CNTLN: variants seen among roughly 807,000 people sequenced by gnomAD.
CNTLN encodes the protein centlein.
CNTLN carries 212 observed loss-of-function variants against 180.0 expected under a neutral mutation model. The observed-to-expected ratio is 1.18, with a 90% CI of 1.05 to 1.32. The LOEUF is 1.32. CNTLN is among the 40% of genes most tolerant of loss of function. CNTLN has a pLI of 0.00. For missense variants in CNTLN, 2,095 were observed against 1,610.9 expected (o/e 1.30, Z -5.14); for synonymous variants, 722 against 563.1 (o/e 1.28, Z -3.99).
intron 5 of CNTLN, among the ~76,000 whole-genome samples, chr9:17,245,867 C>G (rs1437625971): frequency 6.6e-6 from 1 of 151,888 alleles, no homozygotes; most frequent in Admixed American, 6.6e-5. Context: ...TTTTTCAGTT[C>G]CAGAATTTCT....
At chr9:17,313,791 G>T (rs549766450) in intron 8 of CNTLN, among the ~76,000 whole-genome samples, 3 of 152,188 alleles carry the variant, frequency 2.0e-5, no homozygotes, top group African/African-American at 7.2e-5. Flanking sequence ...GATTAGTAAA[G>T]CTCTGTAAAT....
chr9:17,187,240 T>C (rs745845248), intron 2 of CNTLN, among the ~76,000 whole-genome samples: 2 of 152,138 alleles, frequency 1.3e-5, no homozygotes, highest in Non-Finnish European at 2.9e-5. Flanking sequence ...CTGCTTTATC[T>C]ACTTTCTGTG....
chr9:17,215,468 G>T (rs1432328131), intron 2 of CNTLN, among the ~76,000 whole-genome samples: 1 of 146,002 alleles, frequency 6.8e-6, no homozygotes, highest in Non-Finnish European at 1.5e-5. Context: ...CCCTACTAGG[G>T]GGTGCCTCCC....
the CNTLN span, among the ~76,000 whole-genome samples, chr9:17,527,394 G>T: frequency 6.6e-6 from 1 of 152,164 alleles, no homozygotes; most frequent in African/African-American, 2.4e-5. Flanking sequence ...TACTATCAGA[G>T]AATTAAATTT....
chr9:17,173,611 T>C (rs532280451), intron 2 of CNTLN, among the ~76,000 whole-genome samples: 37 of 152,266 alleles, frequency 2.4e-4, no homozygotes, highest in African/African-American at 8.9e-4. Flanking sequence ...AAATTGGAAT[T>C]GTAACGGTGA....
At chr9:17,302,862 T>C (rs1455392029) in intron 7 of CNTLN, among the ~76,000 whole-genome samples, 1 of 152,150 alleles carries the variant, frequency 6.6e-6, no homozygotes, top group African/African-American at 2.4e-5. Context: ...GAATGTAAAA[T>C]TGTACTATAA....
chr9:17,418,336 A>G (rs112075414), intron 18 of CNTLN, among the ~76,000 whole-genome samples: 1 of 152,016 alleles, frequency 6.6e-6, no homozygotes, highest in Non-Finnish European at 1.5e-5. Context: ...AACTAAACTT[A>G]GAATTCTCTA....
intron 5 of CNTLN, among the ~76,000 whole-genome samples, chr9:17,268,329 C>T (rs553882589): frequency 2.0e-5 from 3 of 152,290 alleles, no homozygotes; most frequent in East Asian, 3.9e-4. Flanking sequence ...TGGGTATCAG[C>T]AGCGGTGGCT....
chr9:17,338,998 C>A (rs1417228303), intron 10 of CNTLN, among the ~76,000 whole-genome samples: 1 of 152,132 alleles, frequency 6.6e-6, no homozygotes, highest in Non-Finnish European at 1.5e-5. Context: ...ATTAAACTAT[C>A]CTACTTTAGC....
intron 8 of CNTLN, among the ~76,000 whole-genome samples, chr9:17,322,425 C>A (rs972169044): frequency 6.6e-6 from 1 of 151,936 alleles, no homozygotes; most frequent in Non-Finnish European, 1.5e-5. Context: ...ACCATTTCTG[C>A]TATAAAAAGA....
At chr9:17,473,828 C>A (rs554376735) in intron 23 of CNTLN, among the ~76,000 whole-genome samples, 1 of 152,196 alleles carries the variant, frequency 6.6e-6, no homozygotes, top group Non-Finnish European at 1.5e-5. Flanking sequence ...ATTGCCCAAT[C>A]TGTGATCAGT....
chr9:17,463,138 C>A (rs11790475), intron 20 of CNTLN, 125 bp downstream of exon 20: 73,417 of 557,160 alleles, frequency 0.13, 7,092 homozygotes, highest in African/African-American at 0.39. Context: ...TTAAACCTAC[C>A]TAAGATGAAA....
chr9:17,219,898 C>G lies in CNTLN; in HGVS notation c.450-6305C>G, dbSNP rs1400937176. Reference sequence around the variant, plus strand: ...CATATGACACCGAGAGATCTTCTCTCTAGTGTCCCCTCTCATTAAGGTGCT... The same window carrying G: ...CATATGACACCGAGAGATCTTCTCTGTAGTGTCCCCTCTCATTAAGGTGCT... On this transcript the variant is annotated intron_variant, in intron 2 of 25. Transcript: ENST00000380647. Among the ~76,000 whole-genome samples the G allele has an allele frequency of 4.6e-5, 7 of 152,174 alleles. No individual in the cohort carries two copies. The South Asian group carries it at 1.2e-3, about 27-fold the overall frequency.
In CNTLN at chr9:17,272,972, T is replaced by A. The variant is rs544161983; in HGVS notation, c.850-761T>A. 2.0e-5 allele frequency among the ~76,000 whole-genome samples: 3 copies of A among 152,264 alleles called. No individual in the cohort carries two copies. In the South Asian group the frequency reaches 6.2e-4, roughly 32 times the overall value. ...GTTGTTTATAAACCTTTGTTATTTA[T>A]CTATCATTGTCTTTTCTTTTTTTAC... On this transcript the variant is annotated intron_variant, in intron 5 of 25. Coordinates refer to ENST00000380647, the MANE Select transcript of CNTLN (RefSeq NM_017738.4).
At chr9:17,207,590 AG>A (rs1823016030) in intron 2 of CNTLN, among the ~76,000 whole-genome samples, 1 of 151,892 alleles carries the variant, frequency 6.6e-6, no homozygotes. Flanking sequence ...TGGCTGGGGG[AG>A]GGAGGTCCCC....
chr9:17,301,441 C>T, intron 7 of CNTLN: 1 of 985,340 alleles, frequency 1.0e-6, no homozygotes, highest in Non-Finnish European at 1.2e-6. Context: ...GATGTGCTAA[C>T]CTAATAATTG....
At chr9:17,207,357 G>T (rs536040554) in intron 2 of CNTLN, among the ~76,000 whole-genome samples, 2 of 152,218 alleles carry the variant, frequency 1.3e-5, no homozygotes, top group African/African-American at 4.8e-5. Flanking sequence ...CTTGCCAGGG[G>T]AGTGAACCGT....
chr9:17,223,902 G>A lies in CNTLN; in HGVS notation c.450-2301G>A, dbSNP rs80236248. Among the ~76,000 whole-genome samples the A allele has an allele frequency of 3.9e-3, 592 of 151,896 alleles. 27 individuals are homozygous for A. In the East Asian group the frequency reaches 0.097, roughly 25 times the overall value. ...CTTTACTATAAATGTGTGTACTTCC[G>A]TGCTGTTCTTTGAATATACCAATTG... is the stretch of plus-strand genomic sequence containing the variant. On this transcript the variant is annotated intron_variant, in intron 2 of 25. Coordinates refer to ENST00000380647, the MANE Select transcript of CNTLN (RefSeq NM_017738.4).
intron 18 of CNTLN, among the ~76,000 whole-genome samples, chr9:17,417,169 C>T (rs559291978): frequency 6.6e-6 from 1 of 152,236 alleles, no homozygotes; most frequent in South Asian, 2.1e-4. Flanking sequence ...TAAGACTGAG[C>T]TCTATGTTAG....
Sources: gnomAD v4.1 joint callset for allele counts (sites outside exome capture counted in the v4.1 genomes callset) on GRCh38, gnomAD v4.1.1 for gene constraint, MANE v1.5 for transcripts, NCBI Gene and HGNC (gene_info 2026-07-23, HGNC 2026-07-21) for gene names.